HAUS2: variants seen among roughly 807,000 people sequenced by gnomAD.
The protein encoded by HAUS2 is HAUS augmin like complex subunit 2.
HAUS2 carries 20 observed loss-of-function variants against 21.6 expected under a neutral mutation model. That is an observed-to-expected ratio of 0.93 (90% CI 0.65 to 1.35). The LOEUF (loss-of-function observed/expected upper bound fraction) is 1.35. Among genes scored for constraint, HAUS2 ranks in the 40% most tolerant of loss-of-function variants. The probability of loss-of-function intolerance (pLI) is 0.00; values close to 1 mark genes in which losing one functional copy is unlikely to be tolerated. For synonymous variants in HAUS2, 113 were observed against 95.6 expected, an observed-to-expected ratio of 1.18 and a Z score of -1.06; for missense variants, 297 against 280.7, an observed-to-expected ratio of 1.06 and a Z score of -0.42.
chr15:42,559,490 T>G (rs994429175), intron 3 of HAUS2, 82 bp downstream of exon 3: 14 of 787,514 alleles, frequency 1.8e-5, no homozygotes, highest in Non-Finnish European at 3.0e-5. Flanking sequence ...GTCAGTCAAA[T>G]TATGATACAC....
chr15:42,561,893 G>C (rs771116523), intron 4 of HAUS2, among the ~76,000 whole-genome samples: 2 of 152,044 alleles, frequency 1.3e-5, no homozygotes, highest in Non-Finnish European at 2.9e-5. Flanking sequence ...CCAATAAATA[G>C]AATAGAGATG....
intron 5 of HAUS2, 28 bp from the exon 6 acceptor site, chr15:42,566,579 C>G: frequency 1.7e-6 from 2 of 1,193,758 alleles, no homozygotes; most frequent in Non-Finnish European, 2.5e-6. Context: ...GACATAATTT[C>G]TCCTGTTTCC....
intron 3 of HAUS2, among the ~76,000 whole-genome samples, chr15:42,559,926 AG>A (rs1476284648): frequency 6.6e-6 from 1 of 152,164 alleles, no homozygotes; most frequent in African/African-American, 2.4e-5. Flanking sequence ...TGGGAGGCCA[AG>A]GTGGGTGGAT....
chr15:42,566,867 C>A lies in HAUS2; in HGVS notation c.*51C>A. 1.2e-6 allele frequency: 1 copy of A among 859,108 alleles called. No homozygotes were observed. Among genetic ancestry groups the A allele is most frequent in the Non-Finnish European group, 2.0e-6 (1 of 510,818 alleles). The allele number at this position is 859,108 out of a possible 1,614,324, so 53.2% of individuals were successfully genotyped here. A position where few individuals can be genotyped will look rare whatever the true frequency, so the allele number is the denominator to read the frequency against. ...ATGTGTAGTCATATGAAGTCTATTT[C>A]TAGTTGACTGTAACATGGGTATTAA... is the stretch of plus-strand genomic sequence containing the variant. On this transcript the variant is annotated 3_prime_UTR_variant, in exon 6 of 6. Transcript: ENST00000260372.
intron 1 of HAUS2, among the ~76,000 whole-genome samples, chr15:42,556,434 TTTGTA>T (rs1036792344): frequency 2.6e-5 from 4 of 151,284 alleles, no homozygotes; most frequent in Admixed American, 2.6e-4. Flanking sequence ...CTGGCTAATT[TTTGTA>T]TTTTTAGTAG....
At position 42,552,411 on chromosome 15, in the gene HAUS2, T is replaced by C. The variant is rs72711768; in HGVS notation, c.93+3446T>C. Among the ~76,000 whole-genome samples, 228 of 152,350 alleles carry C rather than the reference T, an allele frequency of 1.5e-3. 1 individual carries two copies. Among genetic ancestry groups the C allele is most frequent in the Middle Eastern group, 3.4e-3 (1 of 294 alleles). On this transcript the variant is annotated intron_variant, in intron 1 of 5. Coordinates refer to ENST00000260372, the MANE Select transcript of HAUS2 (RefSeq NM_018097.3). ...CCCTTCAAACAGCCCATCCCTTTAA[T>C]GCACATCATTTTTTGTGCATTAAAA...
chr15:42,557,093 T>C (rs2057785976), intron 1 of HAUS2, among the ~76,000 whole-genome samples: 1 of 149,798 alleles, frequency 6.7e-6, no homozygotes, highest in African/African-American at 2.5e-5. Context: ...GGTGGGCAGA[T>C]CATGAGGTCA....
intron 5 of HAUS2, 31 bp downstream of exon 5, chr15:42,563,888 T>C: frequency 2.0e-6 from 2 of 998,746 alleles, no homozygotes; most frequent in Non-Finnish European, 3.1e-6. Context: ...CTTCAGTTAT[T>C]TTTTACTAGA....
At chr15:42,554,088 A>G (rs2057749795) in intron 1 of HAUS2, among the ~76,000 whole-genome samples, 1 of 152,192 alleles carries the variant, frequency 6.6e-6, no homozygotes, top group African/African-American at 2.4e-5. Flanking sequence ...TTACCATATC[A>G]ACTAAGATTT....
Position 42,566,847 on chromosome 15 carries a change from T to C in HAUS2, c.*31T>C, listed in dbSNP as rs2057912325. The C allele has an allele frequency of 9.7e-7, 1 of 1,031,342 alleles. No homozygotes were observed. Among genetic ancestry groups the C allele is most frequent in the African/African-American group, 1.6e-5 (1 of 63,596 alleles). The allele number at this position is 1,031,342 out of a possible 1,614,324, so 63.9% of individuals were successfully genotyped here. ...AACTTTATTTTTGCTTAATTATGTG[T>C]AGTCATATGAAGTCTATTTCTAGTT... On this transcript the variant is annotated 3_prime_UTR_variant, in exon 6 of 6. Coordinates refer to ENST00000260372, the MANE Select transcript of HAUS2 (RefSeq NM_018097.3).
In HAUS2 at chr15:42,567,092, C is replaced by A; in HGVS notation, c.*276C>A. On this transcript the variant is annotated 3_prime_UTR_variant, in exon 6 of 6. Transcript: ENST00000260372. ...TTAACCATTTCTCAGGTGGGAAATT[C>A]TCTTTTTTTAAAAATGTGTGTTTAT... 7.3e-6 allele frequency: 2 copies of A among 274,462 alleles called. No homozygotes were observed. Among genetic ancestry groups the A allele is most frequent in the Admixed American group, 1.0e-4 (2 of 19,736 alleles). 17.0% of individuals were successfully genotyped at this position (274,462 alleles called of 1,614,324 possible).
intron 2 of HAUS2, 141 bp downstream of exon 2, chr15:42,558,431 C>G (rs112432684): frequency 3.8e-6 from 2 of 528,246 alleles, no homozygotes; most frequent in Non-Finnish European, 6.7e-6. Flanking sequence ...AGGTTCACGC[C>G]GTTCTTCTGC....
Position 42,548,897 on chromosome 15 carries a change from C to T in HAUS2, c.25C>T (p.Pro9Ser). 1 of 1,550,700 alleles carries T rather than the reference C, an allele frequency of 6.4e-7. No homozygotes were observed. The highest frequency in any genetic ancestry group is 1.2e-5 in the South Asian group (1 of 84,048). MAAANPWD[P>S]ASAPNGAGLV... ...CATGGCCGCTGCCAACCCGTGGGAC[C>T]CGGCGTCCGCGCCTAACGGCGCTGG... Residue 9 changes from proline to serine, a missense_variant, in exon 1 of 6, where the codon CCG (proline) becomes TCG (serine). Physicochemically the swap from Pro to Ser is moderately conservative, Grantham distance 74. Transcript: ENST00000260372.
At chr15:42,563,626 T>G in intron 4 of HAUS2, 123 bp from the exon 5 acceptor site, 2 of 662,682 alleles carry the variant, frequency 3.0e-6, no homozygotes, top group Non-Finnish European at 5.4e-6. Flanking sequence ...GGAAGGTTGT[T>G]ATTGGCTCTC....
At chr15:42,562,693 T>TA (rs2057864023) in intron 4 of HAUS2, among the ~76,000 whole-genome samples, 2 of 152,378 alleles carry the variant, frequency 1.3e-5, no homozygotes, top group South Asian at 4.1e-4. Context: ...ATCTAAGAAC[T>TA]AGGCAATGAT....
Position 42,548,923 on chromosome 15 carries a change from G to A in HAUS2, c.51G>A (p.Gly17=), listed in dbSNP as rs2057686719. Reference sequence around the variant, plus strand: ...CGGCGTCCGCGCCTAACGGCGCTGGGCTAGTGCTAGGCCACTTCATAGCTT... The same window carrying A: ...CGGCGTCCGCGCCTAACGGCGCTGGACTAGTGCTAGGCCACTTCATAGCTT... ...WDPASAPNGA[G]LVLGHFIASG... Residue 17 remains glycine (G), a synonymous_variant, in exon 1 of 6, where the codon GGG becomes GGA. Transcript: ENST00000260372. 6.4e-7 allele frequency: 1 copy of A among 1,552,108 alleles called. No homozygotes were observed. The highest frequency in any genetic ancestry group is 8.7e-7 in the Non-Finnish European group (1 of 1,147,090).
intron 4 of HAUS2, 27 bp downstream of exon 4, chr15:42,561,429 G>C (rs752290387): frequency 4.0e-6 from 6 of 1,510,180 alleles, no homozygotes; most frequent in Non-Finnish European, 5.5e-6. Context: ...GAAATTAACA[G>C]TTACACCTGT....
In HAUS2 at chr15:42,567,836, T is replaced by A. The variant is rs2141609994; in HGVS notation, c.*1020T>A. 6.6e-6 allele frequency: 1 copy of A among 151,656 alleles called. No homozygotes were observed. The highest frequency in any genetic ancestry group is 2.4e-5 in the African/African-American group (1 of 41,288). The allele number at this position is 151,656 out of a possible 1,614,324, so 9.4% of individuals were successfully genotyped here. ...TCCAACCTGGGTGATGGAGCAAGACTCCATCTCCAAAAAAATAAAAAATAC... is the reference window on the plus strand; with the variant it reads ...TCCAACCTGGGTGATGGAGCAAGACACCATCTCCAAAAAAATAAAAAATAC... On this transcript the variant is annotated 3_prime_UTR_variant, in exon 6 of 6. Coordinates refer to ENST00000260372, the MANE Select transcript of HAUS2 (RefSeq NM_018097.3).
intron 4 of HAUS2, among the ~76,000 whole-genome samples, chr15:42,562,338 G>A (rs2057860808): frequency 6.6e-6 from 1 of 152,248 alleles, no homozygotes; most frequent in Admixed American, 6.5e-5. Context: ...GCTCATGCCT[G>A]TAATCCCAAC....
Sources: allele counts gnomAD v4.1 joint callset (sites outside exome capture counted in the v4.1 genomes callset), GRCh38; gene constraint gnomAD v4.1.1; transcripts MANE v1.5; gene names NCBI Gene and HGNC (gene_info 2026-07-23, HGNC 2026-07-21).